CCDC7: variants seen among roughly 807,000 people sequenced by gnomAD.
The protein encoded by CCDC7 is coiled-coil domain-containing protein 7.
In CCDC7, 183 loss-of-function variants were observed where a neutral mutation model predicts 196.9. The ratio of observed to expected loss-of-function variants is 0.93; its 90% confidence interval spans 0.82 to 1.05. CCDC7 has a LOEUF of 1.05. Among genes scored for constraint, CCDC7 ranks in the 50% least tolerant of loss-of-function variants. The probability of loss-of-function intolerance (pLI) is 0.00; values close to 1 mark genes in which losing one functional copy is unlikely to be tolerated. For synonymous variants in CCDC7, 525 were observed against 484.6 expected (o/e 1.08, Z -1.10); for missense variants, 1,540 against 1,482.2 (o/e 1.04, Z -0.64).
At chr10:32,867,932 C>T (rs1368741266) in intron 41 of CCDC7, among the ~76,000 whole-genome samples, 1 of 151,814 alleles carries the variant, frequency 6.6e-6, no homozygotes, top group African/African-American at 2.4e-5. Context: ...TATCTCCTAC[C>T]CCCAGTTCCT....
intron 15 of CCDC7, among the ~76,000 whole-genome samples, chr10:32,568,415 G>A (rs1399965464): frequency 6.6e-6 from 1 of 152,046 alleles, no homozygotes; most frequent in Non-Finnish European, 1.5e-5. Flanking sequence ...GACCACATAA[G>A]CATCTGAGAT....
chr10:32,769,074 G>A (rs2078760556), intron 28 of CCDC7, among the ~76,000 whole-genome samples: 1 of 152,078 alleles, frequency 6.6e-6, no homozygotes, highest in African/African-American at 2.4e-5. Context: ...AGTTTCAACA[G>A]GATTGGTACC....
intron 18 of CCDC7, among the ~76,000 whole-genome samples, chr10:32,608,854 A>G (rs2138652200): frequency 1.3e-5 from 2 of 152,210 alleles, no homozygotes; most frequent in Admixed American, 1.3e-4. Flanking sequence ...CTTGATTCCC[A>G]TCTTAATTTC....
chr10:32,809,567 G>T (rs2086618458), intron 30 of CCDC7, among the ~76,000 whole-genome samples: 1 of 152,136 alleles, frequency 6.6e-6, no homozygotes, highest in Non-Finnish European at 1.5e-5. Flanking sequence ...AGTGGGCAAA[G>T]GATATGAACA....
chr10:32,460,065 T>A (rs2035304877), intron 3 of CCDC7, among the ~76,000 whole-genome samples: 1 of 152,118 alleles, frequency 6.6e-6, no homozygotes, highest in African/African-American at 2.4e-5. Context: ...GTATATGACC[T>A]GGAGCAAGAA....
In CCDC7 at chr10:32,792,076, A is replaced by C. The variant is rs185779665; in HGVS notation, c.3014-12939A>C. Among the ~76,000 whole-genome samples the C allele has an allele frequency of 1.2e-3, 177 of 152,328 alleles. 2 individuals carry two copies. In the East Asian group the frequency reaches 0.023, roughly 19 times the overall value. On this transcript the variant is annotated intron_variant, in intron 29 of 41. Transcript: ENST00000639629. Reference sequence around the variant, plus strand: ...GTTCAAAGTGCTAAAAGAAAAAAAAAATTAGTCAAGAATACTATACCCATC... The same window carrying C: ...GTTCAAAGTGCTAAAAGAAAAAAAACATTAGTCAAGAATACTATACCCATC...
chr10:32,760,674 A>T (rs1302278033), intron 28 of CCDC7, among the ~76,000 whole-genome samples: 5 of 152,028 alleles, frequency 3.3e-5, no homozygotes, highest in Non-Finnish European at 7.4e-5. Context: ...GCAGCACACC[A>T]ACATGGCACA....
chr10:32,789,570 A>C (rs906120153), intron 29 of CCDC7, among the ~76,000 whole-genome samples: 3 of 152,216 alleles, frequency 2.0e-5, no homozygotes, highest in African/African-American at 7.2e-5. Context: ...AAAAAAAAAA[A>C]AAACCCTACA....
intron 33 of CCDC7, among the ~76,000 whole-genome samples, chr10:32,836,888 T>G (rs1334418509): frequency 1.3e-5 from 2 of 152,168 alleles, no homozygotes; most frequent in African/African-American, 4.8e-5. Flanking sequence ...AAGCTGAAAC[T>G]GGATCCCTTC....
chr10:32,845,683 A>G, intron 35 of CCDC7, 57 bp downstream of exon 36: 1 of 1,478,508 alleles, frequency 6.8e-7, no homozygotes, highest in Non-Finnish European at 9.4e-7. Context: ...TCCTGGAGTT[A>G]AATTAAGTGT....
At chr10:32,780,479 A>C (rs1328641660) in intron 29 of CCDC7, among the ~76,000 whole-genome samples, 1 of 152,220 alleles carries the variant, frequency 6.6e-6, no homozygotes, top group Non-Finnish European at 1.5e-5. Flanking sequence ...ATGATTTGTG[A>C]TGTTAATGAC....
chr10:32,858,638 T>C (rs192671756), intron 41 of CCDC7, among the ~76,000 whole-genome samples: 11 of 152,204 alleles, frequency 7.2e-5, no homozygotes, highest in East Asian at 5.8e-4. Context: ...TCTTTCTTTA[T>C]TGAAAGTTTT....
At chr10:32,801,773 T>G (rs1408337563) in intron 29 of CCDC7, among the ~76,000 whole-genome samples, 1 of 152,182 alleles carries the variant, frequency 6.6e-6, no homozygotes, top group South Asian at 2.1e-4. Flanking sequence ...CCTCAGGCAG[T>G]GCAGGGTTAA....
At chr10:32,631,055 A>G (rs1002426199) in intron 18 of CCDC7, among the ~76,000 whole-genome samples, 1 of 152,224 alleles carries the variant, frequency 6.6e-6, no homozygotes. Flanking sequence ...AAGGAAGGCC[A>G]TATGTAGGTT....
chr10:32,724,104 G>A (rs984753294), intron 25 of CCDC7, among the ~76,000 whole-genome samples: 5 of 152,102 alleles, frequency 3.3e-5, no homozygotes, highest in African/African-American at 1.2e-4. Context: ...CCTGAGACCT[G>A]AAAAGCTTAT....
At chr10:32,795,474 T>C (rs2083406714) in intron 29 of CCDC7, among the ~76,000 whole-genome samples, 2 of 152,210 alleles carry the variant, frequency 1.3e-5, no homozygotes, top group African/African-American at 4.8e-5. Flanking sequence ...TTGCTTTTAT[T>C]TGTAATCTTG....
intron 20 of CCDC7, among the ~76,000 whole-genome samples, chr10:32,646,447 A>G (rs1258394726): frequency 1.3e-5 from 2 of 152,136 alleles, no homozygotes; most frequent in Non-Finnish European, 2.9e-5. Context: ...CGCCTAATAT[A>G]TGGTCTGGAG....
intron 20 of CCDC7, among the ~76,000 whole-genome samples, chr10:32,642,799 C>T (rs1195071447): frequency 1.3e-5 from 2 of 152,180 alleles, no homozygotes; most frequent in African/African-American, 2.4e-5. Flanking sequence ...ATCTTGGCTC[C>T]AGCACCTCAT....
At chr10:32,811,744 C>T (rs1214151154) in intron 30 of CCDC7, among the ~76,000 whole-genome samples, 1 of 151,986 alleles carries the variant, frequency 6.6e-6, no homozygotes, top group African/African-American at 2.4e-5. Flanking sequence ...TACTCTGATA[C>T]CAAAACCAGA....
Sources: allele counts gnomAD v4.1 joint callset (sites outside exome capture counted in the v4.1 genomes callset), GRCh38; gene constraint gnomAD v4.1.1; transcripts MANE v1.5; gene names NCBI Gene and HGNC (gene_info 2026-07-23, HGNC 2026-07-21).